The following KCNIP4 variants were observed in gnomAD, a reference collection of about 807,000 sequenced individuals.
KCNIP4 encodes Kv channel-interacting protein 4.
KCNIP4 carries 12 observed loss-of-function variants against 34.0 expected under a neutral mutation model. The ratio of observed to expected loss-of-function variants is 0.35; its 90% CI spans 0.23 to 0.57. The LOEUF (loss-of-function observed/expected upper bound fraction) is 0.57. Among genes scored for constraint, KCNIP4 ranks in the 20% least tolerant of loss-of-function variants. The pLI, the probability that KCNIP4 is intolerant of heterozygous loss-of-function variation, is 0.83. For missense variants in KCNIP4, 238 were observed against 311.7 expected (o/e 0.76, Z 1.78); for synonymous variants, 124 against 102.2 (o/e 1.21, Z -1.29).
intron 1 of KCNIP4, among the ~76,000 whole-genome samples, chr4:21,087,952 C>T (rs760714804): frequency 1.3e-5 from 2 of 152,108 alleles, no homozygotes; most frequent in Non-Finnish European, 2.9e-5. Flanking sequence ...AATATAATGT[C>T]GCTACTTATT....
chr4:20,747,163 A>G (rs1294704737), intron 5 of KCNIP4, among the ~76,000 whole-genome samples: 1 of 152,234 alleles, frequency 6.6e-6, no homozygotes, highest in Non-Finnish European at 1.5e-5. Flanking sequence ...ATATTATAAA[A>G]GCAATGTTAT....
At chr4:21,841,034 AT>A (rs1723646098) in intron 1 of KCNIP4, among the ~76,000 whole-genome samples, 1 of 152,202 alleles carries the variant, frequency 6.6e-6, no homozygotes, top group African/African-American at 2.4e-5. Flanking sequence ...GAAATAAACC[AT>A]TATAAATTGC....
Position 21,446,968 on chromosome 4 carries a change from T to G in KCNIP4, c.61+501603A>C, listed in dbSNP as rs886407788. On this transcript the variant is annotated intron_variant, in intron 1 of 8. Coordinates refer to ENST00000382152, the MANE Select transcript of KCNIP4 (RefSeq NM_025221.6). ...CGATTATTCCAGTTTCAGGTGATTA[T>G]AAATAAAGCTACTATAAACAGGTGC... Among the ~76,000 whole-genome samples the G allele has an allele frequency of 2.0e-5, 3 of 151,092 alleles. No homozygotes were observed. The South Asian group carries it at 6.3e-4, about 32-fold the overall frequency.
At chr4:21,781,333 T>A (rs1719562774) in intron 1 of KCNIP4, among the ~76,000 whole-genome samples, 1 of 152,168 alleles carries the variant, frequency 6.6e-6, no homozygotes, top group Non-Finnish European at 1.5e-5. Context: ...CTTAGCTATC[T>A]GGAACTGTGA....
chr4:21,318,212 A>G (rs2109293190), intron 1 of KCNIP4, among the ~76,000 whole-genome samples: 1 of 152,366 alleles, frequency 6.6e-6, no homozygotes, highest in Non-Finnish European at 1.5e-5. Flanking sequence ...CACGCAAGTA[A>G]CTTAGCTATT....
intron 8 of KCNIP4, 54 bp from the exon 9 acceptor site, chr4:20,730,183 A>G: frequency 6.4e-7 from 1 of 1,555,936 alleles, no homozygotes; most frequent in Non-Finnish European, 8.7e-7. Context: ...AAGGAAAAGT[A>G]CACTATTTTG....
chr4:20,857,886 T>A (rs1560519897), intron 2 of KCNIP4, among the ~76,000 whole-genome samples: 1 of 152,164 alleles, frequency 6.6e-6, no homozygotes, highest in South Asian at 2.1e-4. Context: ...GGTCTAACCC[T>A]GTATTTGGAG....
At chr4:20,839,493 A>ATT (rs1232190170) in intron 3 of KCNIP4, among the ~76,000 whole-genome samples, 1 of 93,014 alleles carries the variant, frequency 1.1e-5, no homozygotes. Flanking sequence ...ATATATCTAT[A>ATT]TTATATATAT....
rs79795544 is a variant in KCNIP4 at position 21,759,345 on chromosome 4, C to A, written c.61+189226G>T. On this transcript the variant is annotated intron_variant, in intron 1 of 8. Coordinates refer to ENST00000382152, the MANE Select transcript of KCNIP4 (RefSeq NM_025221.6). ...AATTGAGTTCAATTATCACCACATG[C>A]CTCTTCAATCAACATTGGCTGCATT... Among the ~76,000 whole-genome samples the A allele has an allele frequency of 7.9e-5, 12 of 152,266 alleles. No homozygotes were observed. In the East Asian group the frequency reaches 1.2e-3, roughly 15 times the overall value.
intron 3 of KCNIP4, among the ~76,000 whole-genome samples, chr4:20,842,581 C>CAAAAAAAAAAAAAAAAAAAAAAAAAA (rs59134256): frequency 2.9e-5 from 2 of 69,690 alleles, no homozygotes; most frequent in African/African-American, 1.2e-4. Context: ...CTTCTAATGG[C>CAAAAAAAAAAAAAAAAAAAAAAAAAA]AAAAAAAAAA....
chr4:20,921,674 GA>G (rs1729399693), intron 1 of KCNIP4, among the ~76,000 whole-genome samples: 1 of 152,134 alleles, frequency 6.6e-6, no homozygotes, highest in African/African-American at 2.4e-5. Flanking sequence ...TTAAATTATG[GA>G]AAACTGTGAT....
At chr4:20,827,255 C>T (rs1318868) in intron 3 of KCNIP4, among the ~76,000 whole-genome samples, 67,160 of 152,034 alleles carry the variant, frequency 0.44, 14,937 homozygotes, top group Admixed American at 0.5. Context: ...CAAAATACCA[C>T]GGACTGGGTG....
At chr4:21,924,795 CCCTCTCCTCCCTCT>C (rs1387768924) in intron 1 of KCNIP4, among the ~76,000 whole-genome samples, 4 of 151,826 alleles carry the variant, frequency 2.6e-5, no homozygotes, top group African/African-American at 9.7e-5. Flanking sequence ...TTTCCTATAC[CCCTCTCCTCCCTCT>C]CCTCTATCCT....
intron 1 of KCNIP4, among the ~76,000 whole-genome samples, chr4:20,977,800 C>G (rs142530112): frequency 2.6e-5 from 4 of 152,274 alleles, no homozygotes; most frequent in African/African-American, 9.6e-5. Flanking sequence ...GATCTCTCAA[C>G]TCTTGAGATG....
At chr4:21,470,827 A>C (rs1430195040) in intron 1 of KCNIP4, among the ~76,000 whole-genome samples, 2 of 152,100 alleles carry the variant, frequency 1.3e-5, no homozygotes, top group Non-Finnish European at 2.9e-5. Flanking sequence ...ATTTAACAAA[A>C]AAAAAAAAGT....
rs558722201 is a variant in KCNIP4 at position 20,760,631 on chromosome 4, T to C, written c.289-1741A>G. Among the ~76,000 whole-genome samples, 6 of 152,242 alleles carry C rather than the reference T, an allele frequency of 3.9e-5. No homozygotes were observed. In the South Asian group the frequency reaches 6.2e-4, roughly 16 times the overall value. On this transcript the variant is annotated intron_variant, in intron 3 of 8. Transcript: ENST00000382152. ...CCCATTTGTTAATGATGAGCTTAGG[T>C]AGGCAAAATAGCTGCATTCACAGAG...
chr4:20,833,409 C>T (rs1038724724), intron 3 of KCNIP4, among the ~76,000 whole-genome samples: 56 of 152,124 alleles, frequency 3.7e-4, no homozygotes, highest in African/African-American at 1.2e-3. Context: ...CACTTAAACC[C>T]GGGAGGCGGA....
intron 3 of KCNIP4, among the ~76,000 whole-genome samples, chr4:20,787,318 G>T (rs1312960592): frequency 6.6e-6 from 1 of 152,052 alleles, no homozygotes; most frequent in South Asian, 2.1e-4. Flanking sequence ...TTTTTTAGGT[G>T]GTTTTATTCA....
intron 1 of KCNIP4, among the ~76,000 whole-genome samples, chr4:21,467,253 C>A (rs1408365104): frequency 6.6e-6 from 1 of 152,082 alleles, no homozygotes; most frequent in East Asian, 1.9e-4. Context: ...GCATTGAAGG[C>A]ATTTTGGTTT....
Sources: allele counts gnomAD v4.1 joint callset (sites outside exome capture counted in the v4.1 genomes callset), GRCh38; gene constraint gnomAD v4.1.1; transcripts MANE v1.5; gene names NCBI Gene and HGNC (gene_info 2026-07-23, HGNC 2026-07-21).